MKX: variants seen among roughly 807,000 people sequenced by gnomAD.
MKX encodes homeobox protein Mohawk.
In MKX, 13 loss-of-function variants were observed where a neutral mutation model predicts 36.0. The ratio of observed to expected loss-of-function variants is 0.36; its 90% CI spans 0.24 to 0.57. The LOEUF is 0.57. MKX is among the 20% of genes least tolerant of loss of function. MKX has a pLI of 0.79. For synonymous variants in MKX, 176 were observed against 178.3 expected, an observed-to-expected ratio of 0.99 and a Z score of 0.10; for missense variants, 458 against 456.4, an observed-to-expected ratio of 1.00 and a Z score of -0.03.
chr10:27,675,954 G>T (rs772689674), intron 5 of MKX, among the ~76,000 whole-genome samples: 1 of 152,152 alleles, frequency 6.6e-6, no homozygotes, highest in Non-Finnish European at 1.5e-5. Flanking sequence ...CAATGTCAGG[G>T]ATTCAGTTCT....
intron 5 of MKX, among the ~76,000 whole-genome samples, chr10:27,696,073 C>A (rs1217491928): frequency 6.6e-6 from 1 of 152,114 alleles, no homozygotes; most frequent in Non-Finnish European, 1.5e-5. Flanking sequence ...GAATTAAACA[C>A]CCTTGTTTAC....
At chr10:27,739,116 A>G (rs527447311) in intron 3 of MKX, among the ~76,000 whole-genome samples, 24 of 152,152 alleles carry the variant, frequency 1.6e-4, no homozygotes, top group Admixed American at 5.2e-4. Flanking sequence ...ATTAACATCT[A>G]CTCATTACTC....
chr10:27,699,226 C>T (rs1029901013), intron 5 of MKX, among the ~76,000 whole-genome samples: 6 of 152,208 alleles, frequency 3.9e-5, no homozygotes, highest in African/African-American at 1.4e-4. Context: ...CATCTTTTAC[C>T]AAAGTTCTCA....
chr10:27,694,527 A>AAAAATATATATATATATAT (rs547670335), intron 5 of MKX, among the ~76,000 whole-genome samples: 59 of 114,326 alleles, frequency 5.2e-4, no homozygotes, highest in African/African-American at 1.9e-3. Context: ...AAAAAAAAAA[A>AAAAATATATATATATATAT]ATATATATAT....
chr10:27,691,037 C>T (rs979724213), intron 5 of MKX, among the ~76,000 whole-genome samples: 3 of 152,226 alleles, frequency 2.0e-5, no homozygotes, highest in South Asian at 2.1e-4. Context: ...CTTCTCCTTC[C>T]GCCATGATTG....
At chr10:27,686,601 T>C (rs1290728559) in intron 5 of MKX, among the ~76,000 whole-genome samples, 2 of 151,982 alleles carry the variant, frequency 1.3e-5, no homozygotes, top group Non-Finnish European at 2.9e-5. Flanking sequence ...CTCAACTTCC[T>C]GAGTAGCTGG....
chr10:27,694,140 G>A (rs1214005582), intron 5 of MKX, among the ~76,000 whole-genome samples: 1 of 152,062 alleles, frequency 6.6e-6, no homozygotes, highest in Non-Finnish European at 1.5e-5. Context: ...CCAGTCTTGG[G>A]TATGTCTTTA....
chr10:27,741,554 C>T lies in MKX; in HGVS notation c.189-50G>A, dbSNP rs768209391. The T allele has an allele frequency of 5.3e-6, 8 of 1,519,318 alleles. No homozygotes were observed. The highest frequency in any genetic ancestry group is 6.1e-6 in the Non-Finnish European group (7 of 1,142,482). The allele number at this position is 1,519,318 out of a possible 1,614,324, so 94.1% of individuals were successfully genotyped here. On this transcript the variant is annotated intron_variant, in intron 2 of 6. Coordinates refer to ENST00000419761, the MANE Select transcript of MKX (RefSeq NM_173576.3). This position sits in a 1 kb window ranked among gnomAD's most constrained non-coding sequence, Gnocchi z 5.1. Reference sequence around the variant, plus strand: ...CCCTGGTGAGCGACGCGTTTGCCCGCCCGGACGCTCCACGCCCCGGCCAAG... The same window carrying T: ...CCCTGGTGAGCGACGCGTTTGCCCGTCCGGACGCTCCACGCCCCGGCCAAG...
chr10:27,685,769 C>T (rs1250477803), intron 5 of MKX, among the ~76,000 whole-genome samples: 2 of 152,032 alleles, frequency 1.3e-5, no homozygotes, highest in African/African-American at 2.4e-5. Context: ...GATTTCTAAT[C>T]GAAGTGTGAT....
intron 5 of MKX, among the ~76,000 whole-genome samples, chr10:27,706,697 ATCT>A (rs1433096543): frequency 6.6e-6 from 1 of 152,096 alleles, no homozygotes; most frequent in African/African-American, 2.4e-5. Context: ...CTATTTGTAT[ATCT>A]TCTTTGGAAA....
At chr10:27,726,334 C>T (rs1397480016) in intron 5 of MKX, among the ~76,000 whole-genome samples, 4 of 152,120 alleles carry the variant, frequency 2.6e-5, no homozygotes, top group African/African-American at 7.2e-5. Context: ...CTTAAAAAGT[C>T]ACAACTTTGA....
At chr10:27,718,607 A>C (rs1834299232) in intron 5 of MKX, 1 of 443,374 alleles carries the variant, frequency 2.3e-6, no homozygotes, top group East Asian at 7.0e-5. Context: ...CTGGAAAGAC[A>C]AAAAGAAAAG....
chr10:27,727,600 T>C (rs1834519469), intron 5 of MKX, among the ~76,000 whole-genome samples: 1 of 152,252 alleles, frequency 6.6e-6, no homozygotes, highest in Admixed American at 6.5e-5. Context: ...CTTAAGTTTT[T>C]ATAATTCTAT....
intron 1 of MKX, 184 bp from the exon 2 acceptor site, chr10:27,743,681 C>T (rs1834975749): frequency 1.9e-5 from 9 of 478,624 alleles, no homozygotes; most frequent in South Asian, 6.3e-5. Context: ...CCTGCAGGTT[C>T]CCCGGACAGG....
At chr10:27,724,791 A>ACACCCC (rs775804611) in intron 5 of MKX, among the ~76,000 whole-genome samples, 7 of 147,772 alleles carry the variant, frequency 4.7e-5, no homozygotes, top group African/African-American at 1.3e-4. Context: ...ACACACACAC[A>ACACCCC]CCCCGCAGAA....
intron 5 of MKX, among the ~76,000 whole-genome samples, chr10:27,680,771 T>C (rs1836240141): frequency 6.6e-6 from 1 of 152,160 alleles, no homozygotes. Context: ...AGAATTCAGG[T>C]TTTTAAATTA....
rs1782276629 is a variant in MKX at position 27,741,438 on chromosome 10, G to A, written c.255C>T (p.Leu85=). The change falls in exon 3 of 7, where the codon CTC becomes CTT. Residue 85 remains leucine (L), a synonymous_variant. Coordinates refer to ENST00000419761, the MANE Select transcript of MKX (RefSeq NM_173576.3). This position sits in a 1 kb window ranked among gnomAD's most constrained non-coding sequence, Gnocchi z 5.1. ...RQALQDMARP[L]KQWLYKHRDN... ...CACGGTGCTTGTAAAGCCACTGCTT[G>A]AGGGGTCGCGCCATGTCTTGCAGGG... The A allele has an allele frequency of 6.2e-7, 1 of 1,612,206 alleles. No individual in the cohort carries two copies. Among genetic ancestry groups the A allele is most frequent in the Admixed American group, 1.7e-5 (1 of 59,686 alleles).
intron 5 of MKX, among the ~76,000 whole-genome samples, chr10:27,731,082 C>T (rs562508339): frequency 7.6e-5 from 11 of 144,806 alleles, no homozygotes; most frequent in South Asian, 6.6e-4. Context: ...TGCAGTGAAC[C>T]GAGATCGTGC....
intron 5 of MKX, among the ~76,000 whole-genome samples, chr10:27,720,152 A>G (rs1028190514): frequency 2.0e-5 from 3 of 152,162 alleles, no homozygotes; most frequent in African/African-American, 7.2e-5. Flanking sequence ...AAGGAATCTC[A>G]GGCTAAGATC....
Sources: gnomAD v4.1 joint callset for allele counts (sites outside exome capture counted in the v4.1 genomes callset) on GRCh38, gnomAD v4.1.1 for gene constraint, Gnocchi (gnomAD v3.1) non-coding constraint, MANE v1.5 for transcripts, NCBI Gene and HGNC (gene_info 2026-07-23, HGNC 2026-07-21) for gene names.